The following CARMIL1 variants were observed in gnomAD, a reference collection of about 807,000 sequenced individuals.
CARMIL1 encodes the protein F-actin-uncapping protein LRRC16A.
CARMIL1 carries 90 observed loss-of-function variants against 177.1 expected under a neutral mutation model. The ratio of observed to expected loss-of-function variants is 0.51; its 90% CI spans 0.43 to 0.61. CARMIL1 has a LOEUF of 0.61. Among genes scored for constraint, CARMIL1 ranks in the 20% least tolerant of loss-of-function variants. The pLI, the probability that CARMIL1 is intolerant of heterozygous loss-of-function variation, is 0.00. For missense variants in CARMIL1, 1,380 were observed against 1,667.0 expected, an observed-to-expected ratio of 0.83 and a Z score of 3.00; for synonymous variants, 577 against 606.2, an observed-to-expected ratio of 0.95 and a Z score of 0.71.
chr6:25,491,940 T>C lies in CARMIL1; in HGVS notation c.1144-8T>C. ...CTTGAAAAGAAGAGTGCCTTATTTC[T>C]TTTTCAGGTCTGTGGAGCTCTTCTC... On this transcript the variant is annotated splice_polypyrimidine_tract_variant and splice_region_variant and intron_variant, in intron 14 of 36. Coordinates refer to ENST00000329474, the MANE Select transcript of CARMIL1 (RefSeq NM_017640.6). 1 of 1,612,494 alleles carries C rather than the reference T, an allele frequency of 6.2e-7. No individual in the cohort carries two copies. The highest frequency in any genetic ancestry group is 8.5e-7 in the Non-Finnish European group (1 of 1,178,984).
chr6:25,616,515 A>G (rs1412510735), intron 36 of CARMIL1, among the ~76,000 whole-genome samples: 5 of 152,212 alleles, frequency 3.3e-5, no homozygotes, highest in African/African-American at 1.2e-4. Context: ...TTGAGGCTAC[A>G]GTGAGCTATG....
intron 2 of CARMIL1, among the ~76,000 whole-genome samples, chr6:25,410,701 C>CA (rs2150634437): frequency 6.6e-6 from 1 of 152,262 alleles, no homozygotes; most frequent in African/African-American, 2.4e-5. Flanking sequence ...CAGAGGAACT[C>CA]CTTATTAGTC....
intron 22 of CARMIL1, among the ~76,000 whole-genome samples, chr6:25,518,888 G>T (rs1013073602): frequency 6.6e-6 from 1 of 152,158 alleles, no homozygotes; most frequent in Non-Finnish European, 1.5e-5. Flanking sequence ...TGTCAAGGCC[G>T]TAAAAAAGAC....
intron 31 of CARMIL1, among the ~76,000 whole-genome samples, chr6:25,583,836 C>G (rs1355767467): frequency 6.6e-6 from 1 of 151,156 alleles, no homozygotes; most frequent in Non-Finnish European, 1.5e-5. Flanking sequence ...CCCCACCCGC[C>G]TCCCGCCCAA....
In CARMIL1 at chr6:25,379,375, C is replaced by T. The variant is rs997540714; in HGVS notation, c.139-40739C>T. ...CAATGCCAGGGAACACCATTTACATCATCTTTGAGAATGGGTCCCTCTGGA... is the reference window on the plus strand; with the variant it reads ...CAATGCCAGGGAACACCATTTACATTATCTTTGAGAATGGGTCCCTCTGGA... On this transcript the variant is annotated intron_variant, in intron 2 of 36. Transcript: ENST00000329474. Among the ~76,000 whole-genome samples the T allele has an allele frequency of 5.3e-5, 8 of 152,138 alleles. No homozygotes were observed. In the South Asian group the frequency reaches 1.7e-3, roughly 32 times the overall value.
chr6:25,295,586 TAAAC>T (rs936871763), intron 2 of CARMIL1, among the ~76,000 whole-genome samples: 50 of 152,232 alleles, frequency 3.3e-4, no homozygotes, highest in African/African-American at 1.2e-3. Flanking sequence ...TTCATTGTCT[TAAAC>T]AAGAGTCTAC....
At chr6:25,521,245 T>C (rs1206913251) in intron 23 of CARMIL1, among the ~76,000 whole-genome samples, 1 of 152,186 alleles carries the variant, frequency 6.6e-6, no homozygotes, top group East Asian at 1.9e-4. Context: ...AGCCGAGTTG[T>C]ACATATTCAG....
intron 29 of CARMIL1, among the ~76,000 whole-genome samples, chr6:25,569,616 G>A (rs1811879467): frequency 6.6e-6 from 1 of 152,152 alleles, no homozygotes; most frequent in South Asian, 2.1e-4. Context: ...TTTGTTGGTG[G>A]CAGTGTTGTT....
chr6:25,403,189 T>C (rs79572505), intron 2 of CARMIL1, among the ~76,000 whole-genome samples: 4 of 152,030 alleles, frequency 2.6e-5, no homozygotes, highest in African/African-American at 9.7e-5. Context: ...AATTATTTCA[T>C]GGGTGTAAAC....
chr6:25,358,494 A>G (rs894925566), intron 2 of CARMIL1, among the ~76,000 whole-genome samples: 7 of 152,198 alleles, frequency 4.6e-5, no homozygotes, highest in Non-Finnish European at 1.0e-4. Context: ...GGGGTTAGAA[A>G]ACATGCTATA....
rs559592573 is a variant in CARMIL1 at position 25,509,088 on chromosome 6, C to T, written c.1396-568C>T. On this transcript the variant is annotated intron_variant, in intron 17 of 36. Coordinates refer to ENST00000329474, the MANE Select transcript of CARMIL1 (RefSeq NM_017640.6). This position sits in a 1 kb window ranked among gnomAD's most constrained non-coding sequence, Gnocchi z 4.1. ...ATTTAACATTTTTCCATCCATGGCT[C>T]GAAGCATTTGTACAAATCATTTTGC... is the stretch of plus-strand genomic sequence containing the variant. 2.3e-4 allele frequency among the ~76,000 whole-genome samples: 35 copies of T among 151,870 alleles called. No homozygotes were observed. The highest frequency in any genetic ancestry group is 8.0e-4 in the African/African-American group (33 of 41,474).
chr6:25,588,785 TCTC>T (rs1180866234), intron 31 of CARMIL1, among the ~76,000 whole-genome samples: 1 of 152,170 alleles, frequency 6.6e-6, no homozygotes. Context: ...ACTGGAATAA[TCTC>T]CTAGTGGAAG....
At chr6:25,529,696 C>T (rs9467530) in intron 24 of CARMIL1, among the ~76,000 whole-genome samples, 38 of 103,102 alleles carry the variant, frequency 3.7e-4, no homozygotes, top group Middle Eastern at 5.4e-3. Flanking sequence ...TGCCGTGAGC[C>T]GAGATTGCGC....
intron 1 of CARMIL1, among the ~76,000 whole-genome samples, chr6:25,283,927 A>G (rs538727594): frequency 1.3e-5 from 2 of 152,150 alleles, no homozygotes; most frequent in South Asian, 4.2e-4. Context: ...CATGTTGGCC[A>G]GGCTGGTCTT....
chr6:25,319,096 A>G lies in CARMIL1; in HGVS notation c.138+34187A>G, dbSNP rs559342505. On this transcript the variant is annotated intron_variant, in intron 2 of 36. Coordinates refer to ENST00000329474, the MANE Select transcript of CARMIL1 (RefSeq NM_017640.6). ...AAATGAGAAGGAGCTGCCGTGTTTAAAATTACTATGAGGATAGACTGTTCT... is the reference window on the plus strand; with the variant it reads ...AAATGAGAAGGAGCTGCCGTGTTTAGAATTACTATGAGGATAGACTGTTCT... Among the ~76,000 whole-genome samples the G allele has an allele frequency of 3.6e-4, 55 of 152,254 alleles. 1 individual carries two copies. The East Asian group carries it at 0.011, about 29-fold the overall frequency.
intron 17 of CARMIL1, among the ~76,000 whole-genome samples, chr6:25,504,441 T>A (rs1804717148): frequency 1.3e-5 from 2 of 152,110 alleles, no homozygotes; most frequent in South Asian, 2.1e-4. Context: ...TTAATTTGAA[T>A]GAGAGAGGAG....
intron 2 of CARMIL1, among the ~76,000 whole-genome samples, chr6:25,359,136 CT>C (rs1294861807): frequency 1.3e-5 from 2 of 152,172 alleles, no homozygotes; most frequent in African/African-American, 2.4e-5. Flanking sequence ...AGAAGGCTCT[CT>C]CTTGGCTTTC....
At chr6:25,353,683 C>G (rs1339076762) in intron 2 of CARMIL1, among the ~76,000 whole-genome samples, 1 of 152,054 alleles carries the variant, frequency 6.6e-6, no homozygotes, top group Non-Finnish European at 1.5e-5. Context: ...GTTAGTACTT[C>G]TAAGATGAGG....
At chr6:25,618,534 T>C (rs1391628803) in intron 36 of CARMIL1, among the ~76,000 whole-genome samples, 1 of 152,228 alleles carries the variant, frequency 6.6e-6, no homozygotes, top group Non-Finnish European at 1.5e-5. Context: ...TCCCAAGGTA[T>C]CATAGCAGTG....
Sources: allele counts gnomAD v4.1 joint callset (sites outside exome capture counted in the v4.1 genomes callset), GRCh38; gene constraint gnomAD v4.1.1; non-coding constraint Gnocchi (gnomAD v3.1); transcripts MANE v1.5; gene names NCBI Gene and HGNC (gene_info 2026-07-23, HGNC 2026-07-21).